MECOM: variants seen among roughly 807,000 people sequenced by gnomAD.
The protein encoded by MECOM is histone-lysine N-methyltransferase MECOM.
In MECOM, 13 loss-of-function variants were observed where a neutral mutation model predicts 116.3. That is an observed-to-expected ratio of 0.11 (90% CI 0.07 to 0.18). MECOM has a LOEUF of 0.18. Ranked by LOEUF, MECOM falls within the 10% of genes least tolerant of loss-of-function variation. MECOM has a pLI of 1.00. For synonymous variants in MECOM, 528 were observed against 535.2 expected, an observed-to-expected ratio of 0.99 and a Z score of 0.19; for missense variants, 1,299 against 1,509.0, an observed-to-expected ratio of 0.86 and a Z score of 2.31.
At chr3:169,515,995 C>T (rs1327196441) in intron 1 of MECOM, among the ~76,000 whole-genome samples, 1 of 152,078 alleles carries the variant, frequency 6.6e-6, no homozygotes, top group Non-Finnish European at 1.5e-5. Flanking sequence ...CTTCCTTCTT[C>T]CCAAAATAAT....
At chr3:169,472,541 AG>A (rs1383583047) in intron 1 of MECOM, among the ~76,000 whole-genome samples, 8 of 82,242 alleles carry the variant, frequency 9.7e-5, no homozygotes, top group Non-Finnish European at 1.4e-4. Flanking sequence ...AGAAAAGGAA[AG>A]GAAAGGAAAA....
chr3:169,630,240 C>T (rs1219546411), intron 1 of MECOM, among the ~76,000 whole-genome samples: 2 of 152,084 alleles, frequency 1.3e-5, no homozygotes, highest in African/African-American at 4.8e-5. Context: ...GCTAAAGACA[C>T]AAAACTTTTG....
chr3:169,533,379 G>T (rs947899843), intron 1 of MECOM, among the ~76,000 whole-genome samples: 7 of 152,060 alleles, frequency 4.6e-5, no homozygotes, highest in African/African-American at 1.7e-4. Flanking sequence ...GACTGTTGAC[G>T]GAAAATGTAT....
chr3:169,638,873 C>G (rs1773129266), intron 1 of MECOM, among the ~76,000 whole-genome samples: 1 of 152,200 alleles, frequency 6.6e-6, no homozygotes, highest in Admixed American at 6.5e-5. Flanking sequence ...ACACTTTACA[C>G]TTTTCTTGAC....
intron 2 of MECOM, among the ~76,000 whole-genome samples, chr3:169,339,578 G>C (rs1408571743): frequency 6.6e-6 from 1 of 152,156 alleles, no homozygotes; most frequent in Non-Finnish European, 1.5e-5. Context: ...GTGCTTATCA[G>C]AAATGTTGGA....
At chr3:169,135,852 A>G (rs1736193447) in intron 3 of MECOM, among the ~76,000 whole-genome samples, 1 of 151,932 alleles carries the variant, frequency 6.6e-6, no homozygotes, top group Admixed American at 6.6e-5. Flanking sequence ...AGATTTCTTC[A>G]TGTTCTTTTA....
chr3:169,428,278 C>G (rs141571829), intron 1 of MECOM, among the ~76,000 whole-genome samples: 220 of 152,314 alleles, frequency 1.4e-3, no homozygotes, highest in African/African-American at 5.0e-3. Flanking sequence ...GGACCTGTTT[C>G]ATGGAAGACA....
chr3:169,355,705 G>C (rs1296381300), intron 2 of MECOM, among the ~76,000 whole-genome samples: 1 of 151,766 alleles, frequency 6.6e-6, no homozygotes, highest in East Asian at 1.9e-4. Flanking sequence ...TGTTTTACTT[G>C]TTCTGACTTA....
rs138746021 is a variant in MECOM, at chr3:169,554,443, A to G, written c.37+108893T>C. On this transcript the variant is annotated intron_variant, in intron 1 of 16. Coordinates refer to ENST00000651503, the MANE Select transcript of MECOM (RefSeq NM_004991.4). ...AAAGAGTTTTCAATTTTTAAAAAAG[A>G]TTTCCTCACAGGACTATGATTTCAT... Among the ~76,000 whole-genome samples, 622 of 152,294 alleles carry G rather than the reference A, an allele frequency of 4.1e-3. 15 individuals are homozygous for G. The highest frequency in any genetic ancestry group is 0.032 in the Admixed American group (494 of 15,298).
intron 2 of MECOM, among the ~76,000 whole-genome samples, chr3:169,366,072 G>C (rs973318261): frequency 1.9e-4 from 29 of 152,012 alleles, no homozygotes; most frequent in African/African-American, 7.0e-4. Context: ...CTTGCTCTCT[G>C]GTTCTCTCAA....
At chr3:169,649,347 T>G (rs1774579235) in intron 1 of MECOM, among the ~76,000 whole-genome samples, 1 of 130,334 alleles carries the variant, frequency 7.7e-6, no homozygotes. Flanking sequence ...AGGCGGAGGT[T>G]GCAGTGAGCC....
rs187195143 is a variant in MECOM at position 169,449,489 on chromosome 3, C to A, written c.38-67965G>T. ...GTTCCTCCTAGGGCAAGCCATTTAT[C>A]ATCAGCTCAGGATAAATGACTGCTT... On this transcript the variant is annotated intron_variant, in intron 1 of 16. Transcript: ENST00000651503. Among the ~76,000 whole-genome samples the A allele has an allele frequency of 3.3e-5, 5 of 152,248 alleles. No homozygotes were observed. The East Asian group carries it at 9.7e-4, about 29-fold the overall frequency.
intron 2 of MECOM, among the ~76,000 whole-genome samples, chr3:169,325,755 T>C (rs1254409670): frequency 6.6e-6 from 1 of 152,252 alleles, no homozygotes; most frequent in African/African-American, 2.4e-5. Flanking sequence ...TAAATAACTT[T>C]GAATGTTATT....
At chr3:169,287,860 G>A (rs1199951076) in intron 2 of MECOM, among the ~76,000 whole-genome samples, 7 of 152,138 alleles carry the variant, frequency 4.6e-5, no homozygotes, top group East Asian at 1.9e-4. Flanking sequence ...CATGCATTCC[G>A]CCCACGTTGA....
intron 1 of MECOM, among the ~76,000 whole-genome samples, chr3:169,520,973 G>C (rs546130758): frequency 1.4e-4 from 21 of 152,280 alleles, no homozygotes; most frequent in African/African-American, 5.1e-4. Context: ...GAGTTGCTGT[G>C]AAATTAAAGC....
Position 169,381,341 on chromosome 3 carries a change from A to G in MECOM, c.221T>C (p.Ile74Thr). 2 of 1,613,844 alleles carry G rather than the reference A, an allele frequency of 1.2e-6. No homozygotes were observed. Among genetic ancestry groups the G allele is most frequent in the Non-Finnish European group, 8.5e-7 (1 of 1,179,826 alleles). ...AAGTTCAAACTCAGCAGGAATGGGG[A>G]TATCATCAGGGATGTAGATGGGGGC... Reference protein sequence around the residue: ...YKAPIYIPDDIPIPAEFELRE... With the variant: ...YKAPIYIPDDTPIPAEFELRE... The change falls in exon 2 of 17, where the codon ATC (isoleucine) becomes ACC (threonine). Residue 74 changes from isoleucine (I) to threonine (T), a missense_variant. Physicochemically the swap from Ile to Thr is moderately conservative, Grantham distance 89. This residue lies in a region of MECOM where 374 missense variants were observed against 433.4 expected (regional missense o/e 0.86). Transcript: ENST00000651503.
chr3:169,128,767 C>A lies in MECOM; in HGVS notation c.614-707G>T, dbSNP rs116464698. Among the ~76,000 whole-genome samples the A allele has an allele frequency of 4.7e-3, 708 of 152,244 alleles. 9 individuals carry two copies. Among genetic ancestry groups the A allele is most frequent in the African/African-American group, 0.017 (686 of 41,540 alleles). The stretch of plus-strand genomic sequence containing the variant: ...TAGCTTTGTTAAATAGAAAACATAT[C>A]ATTAATTTGCACTTTAAATCAATAA... On this transcript the variant is annotated intron_variant, in intron 4 of 16. Coordinates refer to ENST00000651503, the MANE Select transcript of MECOM (RefSeq NM_004991.4).
At chr3:169,522,727 G>C (rs1007638785) in intron 1 of MECOM, among the ~76,000 whole-genome samples, 1 of 152,208 alleles carries the variant, frequency 6.6e-6, no homozygotes, top group African/African-American at 2.4e-5. Flanking sequence ...GATGGTGTGT[G>C]TAACTCATTA....
chr3:169,517,130 A>C (rs747849671), intron 1 of MECOM, among the ~76,000 whole-genome samples: 2 of 152,140 alleles, frequency 1.3e-5, no homozygotes, highest in African/African-American at 2.4e-5. Context: ...ACAACAACAA[A>C]AAGCAATTAC....
Sources: gnomAD v4.1 joint callset for allele counts (sites outside exome capture counted in the v4.1 genomes callset) on GRCh38, gnomAD v4.1.1 for gene constraint, gnomAD v4.1.1 regional missense constraint, MANE v1.5 for transcripts, NCBI Gene and HGNC (gene_info 2026-07-23, HGNC 2026-07-21) for gene names.